VDR: variants seen among roughly 807,000 people sequenced by gnomAD.
The protein encoded by VDR is vitamin D receptor, also known as vitamin D3 receptor.
VDR carries 19 observed loss-of-function variants against 39.7 expected under a neutral mutation model. The ratio of observed to expected loss-of-function variants is 0.48; its 90% CI spans 0.33 to 0.70. The LOEUF is 0.70. Among genes scored for constraint, VDR ranks in the 30% least tolerant of loss-of-function variants. VDR has a pLI of 0.02. For synonymous variants in VDR, 242 were observed against 215.8 expected (o/e 1.12, Z -1.07); for missense variants, 442 against 570.5 (o/e 0.77, Z 2.29).
Position 47,843,720 on chromosome 12 carries a change from T to C in VDR, c.*1026A>G, listed in dbSNP as rs554624338. 2.0e-5 allele frequency: 3 copies of C among 152,336 alleles called. No homozygotes were observed. The South Asian group carries it at 6.2e-4, about 32-fold the overall frequency. 9.4% of individuals were successfully genotyped at this position (152,336 alleles called of 1,614,324 possible). On this transcript the variant is annotated 3_prime_UTR_variant, in exon 10 of 10. Transcript: ENST00000549336. ...CAGCGCTAGCTCTTAGCCCTGTGGG[T>C]GAACAGCGGCCTTGCAACCACATTG... is the stretch of plus-strand genomic sequence containing the variant.
chr12:47,855,896 G>A lies in VDR; in HGVS notation c.584-95C>T, dbSNP rs11574089. 146 of 1,480,810 alleles carry A rather than the reference G, an allele frequency of 9.9e-5. No individual in the cohort carries two copies. The African/African-American group carries it at 1.7e-3, about 17-fold the overall frequency. 91.7% of individuals were successfully genotyped at this position (1,480,810 alleles called of 1,614,324 possible). A position where few individuals can be genotyped will look rare whatever the true frequency, so the allele number is the denominator to read the frequency against. ...TGCAAAAACCTGGTGTGCCCTGGCA[G>A]CAGAGCCAGCTGGGAATCCCACAGT... On this transcript the variant is annotated intron_variant, in intron 6 of 9. Transcript: ENST00000549336.
chr12:47,860,422 G>GT (rs1241006290), intron 4 of VDR, among the ~76,000 whole-genome samples: 18 of 152,328 alleles, frequency 1.2e-4, no homozygotes, highest in African/African-American at 3.8e-4. Flanking sequence ...GGAAAGGCTA[G>GT]TGAGTACTCT....
intron 7 of VDR, among the ~76,000 whole-genome samples, chr12:47,850,402 G>A (rs1001070792): frequency 2.0e-5 from 3 of 151,986 alleles, no homozygotes; most frequent in Admixed American, 1.3e-4. Context: ...TGCTATCATA[G>A]GTAATTCTGG....
chr12:47,887,054 G>T (rs1354166685), intron 1 of VDR, among the ~76,000 whole-genome samples: 1 of 152,150 alleles, frequency 6.6e-6, no homozygotes, highest in African/African-American at 2.4e-5. Flanking sequence ...GCTCATGCCT[G>T]TAATCCCAGC....
At position 47,871,379 on chromosome 12, in the gene VDR, T is replaced by TC. The variant is rs1491094092; in HGVS notation, c.147-6203dup. Reference sequence around the variant, plus strand: ...CTTTCCTTTCTCTCTCTCTCTCTCTTCCTTCCTTCCTTCCTCTCTTTCTCT... The same window carrying TC: ...CTTTCCTTTCTCTCTCTCTCTCTCTTCCCTTCCTTCCTTCCTCTCTTTCTCT... On this transcript the variant is annotated intron_variant, in intron 3 of 9. Coordinates refer to ENST00000549336, the MANE Select transcript of VDR (RefSeq NM_000376.3). Among the ~76,000 whole-genome samples the TC allele has an allele frequency of 1.2e-4, 16 of 134,442 alleles. 2 individuals are homozygous for TC. Among genetic ancestry groups the TC allele is most frequent in the East Asian group, 4.4e-4 (2 of 4,518 alleles). 88.2% of individuals were successfully genotyped at this position (134,442 alleles called of 152,430 possible).
At chr12:47,865,691 G>T (rs985911904) in intron 3 of VDR, among the ~76,000 whole-genome samples, 1 of 150,940 alleles carries the variant, frequency 6.6e-6, no homozygotes, top group African/African-American at 2.4e-5. Context: ...GGGATTACAG[G>T]TGTGAGCCAC....
intron 1 of VDR, among the ~76,000 whole-genome samples, chr12:47,893,086 G>A (rs1054908562): frequency 7.9e-5 from 12 of 152,294 alleles, no homozygotes; most frequent in African/African-American, 2.9e-4. Flanking sequence ...CATGTCAAAG[G>A]CCTGTAGGAA....
At chr12:47,860,748 T>C (rs1945611804) in intron 4 of VDR, among the ~76,000 whole-genome samples, 1 of 152,182 alleles carries the variant, frequency 6.6e-6, no homozygotes, top group African/African-American at 2.4e-5. Flanking sequence ...ACCTCCCTGT[T>C]AAACTATGCG....
At chr12:47,894,309 T>A (rs1193316980) in intron 1 of VDR, among the ~76,000 whole-genome samples, 1 of 152,196 alleles carries the variant, frequency 6.6e-6, no homozygotes, top group Non-Finnish European at 1.5e-5. Flanking sequence ...CTGGCAGAAG[T>A]TCCACTCTCT....
Position 47,864,973 on chromosome 12 carries a change from T to A in VDR, c.277+74A>T, listed in dbSNP as rs539306262. The A allele has an allele frequency of 5.8e-5, 93 of 1,602,392 alleles. No individual in the cohort carries two copies. The African/African-American group carries it at 1.2e-3, about 21-fold the overall frequency. On this transcript the variant is annotated intron_variant, in intron 4 of 9. Transcript: ENST00000549336. The stretch of plus-strand genomic sequence containing the variant: ...GGGCAGGCAGACCCTCTGCCCAAAC[T>A]TGCAGGAGAGTGGCCAAGGCCTTTC...
At position 47,865,138 on chromosome 12, in the gene VDR, G is replaced by T; in HGVS notation, c.186C>A (p.Phe62Leu). The T allele has an allele frequency of 6.2e-7, 1 of 1,613,704 alleles. No individual in the cohort carries two copies. Among genetic ancestry groups the T allele is most frequent in the Non-Finnish European group, 8.5e-7 (1 of 1,179,668 alleles). Reference protein sequence around the residue: ...MKRKALFTCPFNGDCRITKDN... With the variant: ...MKRKALFTCPLNGDCRITKDN... Reference sequence around the variant, plus strand: ...CCTTGGTGATGCGGCAGTCCCCGTTGAAGGGGCAGGTGAATAGTGCCTTCC... The same window carrying T: ...CCTTGGTGATGCGGCAGTCCCCGTTTAAGGGGCAGGTGAATAGTGCCTTCC... Residue 62 changes from phenylalanine to leucine, a missense_variant, in exon 4 of 10, where the codon TTC becomes TTA. Coordinates refer to ENST00000549336, the MANE Select transcript of VDR (RefSeq NM_000376.3).
chr12:47,871,240 T>C (rs1397059195), intron 3 of VDR, among the ~76,000 whole-genome samples: 1 of 152,194 alleles, frequency 6.6e-6, no homozygotes, highest in African/African-American at 2.4e-5. Flanking sequence ...AGACCGAACC[T>C]AAATGACCAT....
At chr12:47,849,932 C>A (rs943008230) in intron 7 of VDR, among the ~76,000 whole-genome samples, 1 of 152,012 alleles carries the variant, frequency 6.6e-6, no homozygotes, top group Non-Finnish European at 1.5e-5. Flanking sequence ...CTCACTGAAA[C>A]CTCTGCCTCC....
chr12:47,886,928 G>T (rs1274162145), intron 1 of VDR, among the ~76,000 whole-genome samples: 1 of 152,144 alleles, frequency 6.6e-6, no homozygotes, highest in African/African-American at 2.4e-5. Flanking sequence ...GCTCTTTGTA[G>T]CCATGTTAGA....
chr12:47,864,023 G>A (rs1945676572), intron 4 of VDR, among the ~76,000 whole-genome samples: 1 of 152,130 alleles, frequency 6.6e-6, no homozygotes, highest in African/African-American at 2.4e-5. Flanking sequence ...AGGAGGGTCC[G>A]CATCTGAGCA....
chr12:47,846,811 G>C lies in VDR; in HGVS notation c.756-3C>G, dbSNP rs1220137102. On this transcript the variant is annotated splice_region_variant and splice_polypyrimidine_tract_variant and intron_variant, in intron 7 of 9. Transcript: ENST00000549336. ...TCTGGTCCTCAGAGGTGAGGTCTCT[G>C]CAGGGGAGGGAGGGAAGGAGGTCAG... 3 of 1,614,176 alleles carry C rather than the reference G, an allele frequency of 1.9e-6. No individual in the cohort carries two copies. The Admixed American group carries it at 5.0e-5, about 27-fold the overall frequency.
At position 47,887,322 on chromosome 12, in the gene VDR, CA is replaced by C. The variant is rs10686139; in HGVS notation, c.-83-4549del. ...GGGCGACAAGAGTAAAACTCCGTCT[CA>C]AAAAAAAAAAAAAAAAAACAAAGGA... On this transcript the variant is annotated intron_variant, in intron 1 of 9. Coordinates refer to ENST00000549336, the MANE Select transcript of VDR (RefSeq NM_000376.3). 3.4e-3 allele frequency among the ~76,000 whole-genome samples: 245 copies of C among 72,096 alleles called. 2 individuals are homozygous for C. In the East Asian group the frequency reaches 0.059, roughly 17 times the overall value. 47.3% of individuals were successfully genotyped at this position (72,096 alleles called of 152,430 possible).
At chr12:47,848,555 C>CTTTTTTTTTTTTTTTTT (rs1162881183) in intron 7 of VDR, among the ~76,000 whole-genome samples, 2 of 58,116 alleles carry the variant, frequency 3.4e-5, no homozygotes, top group African/African-American at 7.8e-5. Flanking sequence ...TTTTCTACTC[C>CTTTTTTTTTTTTTTTTT]TTTTTTTTTT....
intron 3 of VDR, among the ~76,000 whole-genome samples, chr12:47,867,031 A>G (rs1161768270): frequency 6.7e-6 from 1 of 149,250 alleles, no homozygotes; most frequent in East Asian, 2.0e-4. Context: ...AAAAACCCAG[A>G]AAACTACTGA....
Sources: allele counts gnomAD v4.1 joint callset (sites outside exome capture counted in the v4.1 genomes callset), GRCh38; gene constraint gnomAD v4.1.1; transcripts MANE v1.5; gene names NCBI Gene and HGNC (gene_info 2026-07-23, HGNC 2026-07-21).